Variants in TENM4 observed in about 807,000 individuals in gnomAD.
The protein encoded by TENM4 is teneurin-4.
A neutral mutation model predicts 243.3 loss-of-function variants in TENM4; 82 were observed. The observed-to-expected ratio is 0.34, with a 90% CI of 0.28 to 0.40. The LOEUF (loss-of-function observed/expected upper bound fraction) is 0.40. Ranked by LOEUF, TENM4 falls within the 10% of genes least tolerant of loss-of-function variation. The pLI is 1.00. For synonymous variants in TENM4, 1,412 were observed against 1,456.3 expected (o/e 0.97, Z 0.69); for missense variants, 3,138 against 3,673.3 (o/e 0.85, Z 3.77).
chr11:78,664,866 G>A (rs1213889624), intron 32 of TENM4, among the ~76,000 whole-genome samples: 1 of 152,206 alleles, frequency 6.6e-6, no homozygotes, highest in Non-Finnish European at 1.5e-5. Flanking sequence ...CAGGAAACTA[G>A]GGGGCTGAGA....
At chr11:79,432,443 T>C (rs1048088068) in intron 1 of TENM4, among the ~76,000 whole-genome samples, 7 of 152,240 alleles carry the variant, frequency 4.6e-5, no homozygotes, top group African/African-American at 1.7e-4. Context: ...GCTGGGTTTA[T>C]TTAGTAAAAA....
chr11:79,034,452 G>A (rs937566607), intron 6 of TENM4, among the ~76,000 whole-genome samples: 15 of 152,156 alleles, frequency 9.9e-5, no homozygotes, highest in Admixed American at 6.5e-4. Context: ...AGAGGCACAC[G>A]CTGGAGATCC....
intron 6 of TENM4, among the ~76,000 whole-genome samples, chr11:78,932,819 G>A (rs1020773087): frequency 1.3e-5 from 2 of 152,148 alleles, no homozygotes; most frequent in African/African-American, 4.8e-5. Flanking sequence ...AATAGGGTTC[G>A]AGTTCCTATG....
At chr11:79,365,317 C>G (rs1225775437) in intron 1 of TENM4, among the ~76,000 whole-genome samples, 1 of 152,192 alleles carries the variant, frequency 6.6e-6, no homozygotes, top group East Asian at 1.9e-4. Flanking sequence ...ATGGGCCCTT[C>G]CTCCTCCTTA....
Position 79,164,062 on chromosome 11 carries a change from ATAGT to A in TENM4, c.-162-15260_-162-15257del, listed in dbSNP as rs59778352. Among the ~76,000 whole-genome samples, 96 of 19,048 alleles carry A rather than the reference ATAGT, an allele frequency of 5.0e-3. 1 individual carries two copies. Among genetic ancestry groups the A allele is most frequent in the South Asian group, 0.016 (11 of 674 alleles). 12.5% of individuals were successfully genotyped at this position (19,048 alleles called of 152,430 possible). A position where few individuals can be genotyped will look rare whatever the true frequency, so the allele number is the denominator to read the frequency against. On this transcript the variant is annotated intron_variant, in intron 3 of 33. Transcript: ENST00000278550. ...TATACACTATAAATACTATGTATAT[ATAGT>A]GTATATATACACTATATATACTATG...
At chr11:78,839,871 C>T (rs949704120) in intron 12 of TENM4, among the ~76,000 whole-genome samples, 6 of 152,248 alleles carry the variant, frequency 3.9e-5, no homozygotes, top group East Asian at 1.9e-4. Context: ...CATCTCAGCA[C>T]GGTGCATTCA....
intron 2 of TENM4, among the ~76,000 whole-genome samples, chr11:79,222,494 T>C (rs1364011475): frequency 1.3e-5 from 2 of 152,360 alleles, no homozygotes; most frequent in South Asian, 2.1e-4. Flanking sequence ...TATAATAGAA[T>C]GATTTATATT....
chr11:78,971,471 T>C (rs1229925128), intron 6 of TENM4, among the ~76,000 whole-genome samples: 1 of 152,004 alleles, frequency 6.6e-6, no homozygotes, highest in Non-Finnish European at 1.5e-5. Context: ...CCTAGCTAAT[T>C]TTTGTATTTT....
intron 1 of TENM4, among the ~76,000 whole-genome samples, chr11:79,402,948 C>T (rs1240315291): frequency 1.1e-4 from 17 of 151,958 alleles, no homozygotes; most frequent in Non-Finnish European, 2.4e-4. Flanking sequence ...TTTTTTTTCT[C>T]TTTCCCCATT....
chr11:78,770,268 G>T (rs115886379), intron 18 of TENM4, among the ~76,000 whole-genome samples: 1 of 152,142 alleles, frequency 6.6e-6, no homozygotes, highest in African/African-American at 2.4e-5. Flanking sequence ...CTAATTCTAC[G>T]ACTAAGATAA....
chr11:78,858,866 A>G (rs1030051969), intron 10 of TENM4, among the ~76,000 whole-genome samples: 5 of 152,202 alleles, frequency 3.3e-5, no homozygotes, highest in African/African-American at 1.2e-4. Context: ...TATTAGTATT[A>G]CTAGTCATAT....
At chr11:79,096,964 CCTT>C (rs1240745889) in intron 4 of TENM4, 1 of 142,628 alleles carries the variant, frequency 7.0e-6, no homozygotes, top group African/African-American at 2.8e-5. Flanking sequence ...ACACACACAC[CCTT>C]CATGTGGTCT....
intron 4 of TENM4, among the ~76,000 whole-genome samples, chr11:79,089,380 A>G (rs1860892790): frequency 6.6e-6 from 1 of 152,216 alleles, no homozygotes. Context: ...AGGGTGTTCA[A>G]GTCAGAGCCT....
chr11:78,840,908 A>G (rs781142013), intron 12 of TENM4, among the ~76,000 whole-genome samples: 3 of 152,148 alleles, frequency 2.0e-5, no homozygotes, highest in Non-Finnish European at 4.4e-5. Context: ...AATTTCTCGG[A>G]ACCTTGTTTC....
At chr11:79,052,509 A>C (rs753827845) in intron 6 of TENM4, among the ~76,000 whole-genome samples, 54 of 152,234 alleles carry the variant, frequency 3.5e-4, no homozygotes, top group Non-Finnish European at 6.5e-4. Flanking sequence ...AATGAAATGA[A>C]GTAATGCATG....
At chr11:78,696,525 T>C (rs941416972) in intron 28 of TENM4, among the ~76,000 whole-genome samples, 1 of 152,206 alleles carries the variant, frequency 6.6e-6, no homozygotes, top group East Asian at 1.9e-4. Flanking sequence ...GTGAGTTTCC[T>C]TGTGCTAGGA....
intron 20 of TENM4, among the ~76,000 whole-genome samples, chr11:78,734,343 G>C (rs1382144487): frequency 6.6e-6 from 1 of 152,188 alleles, no homozygotes; most frequent in East Asian, 1.9e-4. Context: ...CCTCCCATCT[G>C]ATGCATCAGT....
At chr11:78,791,320 A>T (rs1385717143) in intron 15 of TENM4, among the ~76,000 whole-genome samples, 1 of 152,242 alleles carries the variant, frequency 6.6e-6, no homozygotes, top group African/African-American at 2.4e-5. Flanking sequence ...ACATTAAAGC[A>T]GATAAAATTT....
chr11:78,923,306 G>C (rs1444170095), intron 6 of TENM4, among the ~76,000 whole-genome samples: 1 of 152,054 alleles, frequency 6.6e-6, no homozygotes, highest in Admixed American at 6.6e-5. Context: ...AGCCTGTCCT[G>C]GATACGATGA....
Sources: gnomAD v4.1 joint callset for allele counts (sites outside exome capture counted in the v4.1 genomes callset) on GRCh38, gnomAD v4.1.1 for gene constraint, MANE v1.5 for transcripts, NCBI Gene and HGNC (gene_info 2026-07-23, HGNC 2026-07-21) for gene names.